The following DPP6 variants were observed in gnomAD, a reference collection of about 807,000 sequenced individuals.
DPP6 encodes the protein dipeptidyl peptidase like 6, also known as A-type potassium channel modulatory protein DPP6.
DPP6 carries 69 observed loss-of-function variants against 122.6 expected under a neutral mutation model. The observed-to-expected ratio is 0.56, with a 90% CI of 0.46 to 0.69. DPP6 has a LOEUF of 0.69. Among genes scored for constraint, DPP6 ranks in the 30% least tolerant of loss-of-function variants. The probability of loss-of-function intolerance (pLI) is 0.00; values close to 1 mark genes in which losing one functional copy is unlikely to be tolerated. For synonymous variants in DPP6, 418 were observed against 433.1 expected, an observed-to-expected ratio of 0.97 and a Z score of 0.43; for missense variants, 928 against 1,116.9, an observed-to-expected ratio of 0.83 and a Z score of 2.41.
At chr7:154,663,866 G>A in intron 6 of DPP6, among the ~76,000 whole-genome samples, 1 of 110,994 alleles carries the variant, frequency 9.0e-6, no homozygotes, top group African/African-American at 2.7e-5. Context: ...GAATCACCAT[G>A]GCGTATTGGC....
chr7:153,858,439 C>A, the DPP6 span, among the ~76,000 whole-genome samples: 1 of 152,174 alleles, frequency 6.6e-6, no homozygotes, highest in Non-Finnish European at 1.5e-5. Context: ...CTGGACCTGG[C>A]TCAAGACGGG....
intron 1 of DPP6, among the ~76,000 whole-genome samples, chr7:154,307,918 T>C (rs887713526): frequency 6.6e-6 from 1 of 151,504 alleles, no homozygotes; most frequent in Non-Finnish European, 1.5e-5. Context: ...TGCTGCTTTG[T>C]GGATTGGTTT....
intron 7 of DPP6, among the ~76,000 whole-genome samples, chr7:154,699,385 A>G (rs1840391769): frequency 6.6e-6 from 1 of 152,252 alleles, no homozygotes; most frequent in African/African-American, 2.4e-5. Context: ...TCTAACTGCA[A>G]TATAAAAAGA....
At chr7:154,758,071 C>G (rs945509775) in intron 8 of DPP6, among the ~76,000 whole-genome samples, 2 of 152,256 alleles carry the variant, frequency 1.3e-5, no homozygotes, top group African/African-American at 2.4e-5. Flanking sequence ...TCCACTCCCC[C>G]TTCAGGTGGG....
At chr7:153,874,666 G>T in the DPP6 span, among the ~76,000 whole-genome samples, 2 of 152,182 alleles carry the variant, frequency 1.3e-5, no homozygotes, top group East Asian at 3.8e-4. Flanking sequence ...GTGAGCCACT[G>T]TGTCTGGCCC....
At chr7:154,045,298 A>G (rs189734392) in intron 1 of DPP6, among the ~76,000 whole-genome samples, 116 of 152,066 alleles carry the variant, frequency 7.6e-4, no homozygotes, top group Non-Finnish European at 1.2e-3. Flanking sequence ...CCAATCCTTT[A>G]AATGTATAAG....
intron 1 of DPP6, among the ~76,000 whole-genome samples, chr7:154,432,556 G>A (rs1818513855): frequency 6.6e-6 from 1 of 152,032 alleles, no homozygotes; most frequent in African/African-American, 2.4e-5. Context: ...TTCTCCATCG[G>A]GACCGAAACT....
At chr7:154,210,041 T>C (rs1037668957) in intron 1 of DPP6, among the ~76,000 whole-genome samples, 3 of 152,136 alleles carry the variant, frequency 2.0e-5, no homozygotes, top group Non-Finnish European at 4.4e-5. Context: ...TCTGGCTTGG[T>C]TGGGAAAACC....
At chr7:154,651,888 C>T (rs997644189) in intron 6 of DPP6, among the ~76,000 whole-genome samples, 1 of 152,150 alleles carries the variant, frequency 6.6e-6, no homozygotes, top group African/African-American at 2.4e-5. Flanking sequence ...AACCTTTTCC[C>T]AGGGCATCCT....
chr7:154,335,779 T>C (rs1263093540), intron 1 of DPP6, among the ~76,000 whole-genome samples: 2 of 152,022 alleles, frequency 1.3e-5, no homozygotes, highest in Non-Finnish European at 2.9e-5. Flanking sequence ...ATCAATACAT[T>C]AGCAAAACCT....
chr7:154,885,714 C>T lies in DPP6; in HGVS notation c.2215C>T (p.Leu739Phe). Reference sequence around the variant, plus strand: ...CCAGACATTCACCTGCGGCTCTGCTCTCTCTCCAATAACAGACTTCAAACT... The same window carrying T: ...CCAGACATTCACCTGCGGCTCTGCTTTCTCTCCAATAACAGACTTCAAACT... The part of the protein sequence containing the change: ...QGQTFTCGSA[L>F]SPITDFKLYA... The change falls in exon 22 of 26, where the codon CTC becomes TTC. Residue 739 changes from leucine to phenylalanine, a missense_variant. Physicochemically the swap from Leu to Phe is conservative, Grantham distance 22. Coordinates refer to ENST00000377770, the MANE Select transcript of DPP6 (RefSeq NM_130797.4). 1 of 1,598,680 alleles carries T rather than the reference C, an allele frequency of 6.3e-7. No homozygotes were observed. The highest frequency in any genetic ancestry group is 8.5e-7 in the Non-Finnish European group (1 of 1,172,720).
chr7:154,182,705 G>A (rs1005482791), intron 1 of DPP6, among the ~76,000 whole-genome samples: 1 of 152,056 alleles, frequency 6.6e-6, no homozygotes, highest in Non-Finnish European at 1.5e-5. Context: ...TTTGTGCTGT[G>A]TCTCTCGGTG....
intron 1 of DPP6, among the ~76,000 whole-genome samples, chr7:153,908,497 A>G (rs753826406): frequency 6.6e-6 from 1 of 152,238 alleles, no homozygotes. Context: ...TATTGGAAGT[A>G]TAAAAAGAAT....
the DPP6 span, among the ~76,000 whole-genome samples, chr7:153,786,795 C>A: frequency 1.5e-5 from 2 of 129,656 alleles, no homozygotes; most frequent in Admixed American, 7.7e-5. Flanking sequence ...TCAGCTTGGG[C>A]AAATCATTCT....
At chr7:154,280,195 T>TA (rs572396748) in intron 1 of DPP6, among the ~76,000 whole-genome samples, 3 of 152,120 alleles carry the variant, frequency 2.0e-5, no homozygotes, top group Non-Finnish European at 2.9e-5. Flanking sequence ...ACTGTTTTTT[T>TA]ATAAAAAAAG....
At chr7:154,148,842 G>C (rs374295579) in intron 1 of DPP6, among the ~76,000 whole-genome samples, 2,913 of 110,932 alleles carry the variant, frequency 0.026, no homozygotes, top group South Asian at 0.056. Flanking sequence ...AGCAGGGGCT[G>C]CTTCTGGGGG....
intron 1 of DPP6, among the ~76,000 whole-genome samples, chr7:154,412,408 C>T (rs1816679668): frequency 6.6e-6 from 1 of 152,116 alleles, no homozygotes; most frequent in Admixed American, 6.5e-5. Flanking sequence ...CTCACCTGTC[C>T]TTTCTGAATG....
At chr7:154,634,754 T>C (rs936758704) in intron 5 of DPP6, among the ~76,000 whole-genome samples, 2 of 152,066 alleles carry the variant, frequency 1.3e-5, no homozygotes, top group African/African-American at 4.8e-5. Flanking sequence ...ATAGGGTTAT[T>C]TTAATTGCTC....
intron 2 of DPP6, among the ~76,000 whole-genome samples, chr7:154,465,719 G>A (rs1188043966): frequency 6.6e-6 from 1 of 152,204 alleles, no homozygotes; most frequent in African/African-American, 2.4e-5. Context: ...AGATTCTGGA[G>A]AGGATGTGGA....
Sources: gnomAD v4.1 joint callset for allele counts (sites outside exome capture counted in the v4.1 genomes callset) on GRCh38, gnomAD v4.1.1 for gene constraint, MANE v1.5 for transcripts, NCBI Gene and HGNC (gene_info 2026-07-23, HGNC 2026-07-21) for gene names.